Variants in TBC1D19 observed in about 807,000 individuals in gnomAD.
TBC1D19 encodes TBC1 domain family member 19, also known as TBC1 domain family, member 19.
Under a neutral mutation model 89.0 loss-of-function variants are expected in TBC1D19, and 60 were observed. That is an observed-to-expected ratio of 0.67 (90% CI 0.55 to 0.84). The LOEUF is 0.84. Among genes scored for constraint, TBC1D19 ranks in the 40% least tolerant of loss-of-function variants. The probability of loss-of-function intolerance (pLI) is 0.00; values close to 1 mark genes in which losing one functional copy is unlikely to be tolerated. For synonymous variants in TBC1D19, 189 were observed against 199.7 expected (o/e 0.95, Z 0.45); for missense variants, 500 against 610.8 (o/e 0.82, Z 1.91).
Position 26,735,481 on chromosome 4 carries a change from A to C in TBC1D19, c.1111A>C (p.Met371Leu), listed in dbSNP as rs764525151. The change falls in exon 16 of 21, where the codon ATG becomes CTG. Residue 371 changes from methionine (M) to leucine (L), a missense_variant. By Grantham distance (15) the Met-to-Leu change is conservative. This residue lies in a region of TBC1D19 where 220 missense variants were observed against 319.1 expected (regional missense o/e 0.69). Coordinates refer to ENST00000264866, the MANE Select transcript of TBC1D19 (RefSeq NM_018317.4). ...TGTTATCCCTTTTCATGGATTTTCA[A>C]TGTATGGTAAGTTGGGCTTTAAAAA... Reference protein sequence around the residue: ...NGVIPFHGFSMYVAPLCFLYH... With the variant: ...NGVIPFHGFSLYVAPLCFLYH... The C allele has an allele frequency of 3.2e-6, 5 of 1,565,738 alleles. No individual in the cohort carries two copies. The highest frequency in any genetic ancestry group is 4.3e-6 in the Non-Finnish European group (5 of 1,151,944).
intron 1 of TBC1D19, among the ~76,000 whole-genome samples, chr4:26,578,980 C>A (rs1739020823): frequency 6.6e-6 from 1 of 152,132 alleles, no homozygotes; most frequent in Non-Finnish European, 1.5e-5. Context: ...ATATTCTGCT[C>A]CTGTCATGTA....
At chr4:26,744,489 T>C (rs1020886887) in intron 18 of TBC1D19, among the ~76,000 whole-genome samples, 11 of 151,850 alleles carry the variant, frequency 7.2e-5, no homozygotes, top group African/African-American at 9.7e-5. Context: ...TTTGGGACTT[T>C]CTTTTTTTCT....
chr4:26,636,073 A>T (rs10939126), intron 4 of TBC1D19, among the ~76,000 whole-genome samples: 2,926 of 152,202 alleles, frequency 0.019, 85 homozygotes, highest in African/African-American at 0.066. Flanking sequence ...TGTAACAGCC[A>T]TATAAGGGAA....
chr4:26,740,065 C>T (rs933970065), intron 17 of TBC1D19, 92 bp downstream of exon 17: 45 of 735,038 alleles, frequency 6.1e-5, no homozygotes, highest in Middle Eastern at 2.6e-4. Flanking sequence ...CAAATTCTAA[C>T]GCAACAAATT....
intron 7 of TBC1D19, among the ~76,000 whole-genome samples, chr4:26,650,075 G>C (rs1744255953): frequency 6.6e-6 from 1 of 152,046 alleles, no homozygotes. Flanking sequence ...GTATTCCATG[G>C]TGTATATGTG....
At chr4:26,827,974 A>T in the TBC1D19 span, among the ~76,000 whole-genome samples, 1 of 152,098 alleles carries the variant, frequency 6.6e-6, no homozygotes, top group Non-Finnish European at 1.5e-5. Context: ...GGTTCCTCTA[A>T]GATCTCGTTT....
At chr4:26,699,308 A>G (rs1715103003) in intron 13 of TBC1D19, among the ~76,000 whole-genome samples, 2 of 152,212 alleles carry the variant, frequency 1.3e-5, no homozygotes, top group Non-Finnish European at 2.9e-5. Flanking sequence ...CAAAACCACA[A>G]TGAGATACCA....
chr4:26,593,428 G>A (rs1739965752), intron 1 of TBC1D19, among the ~76,000 whole-genome samples: 1 of 152,102 alleles, frequency 6.6e-6, no homozygotes, highest in Admixed American at 6.5e-5. Context: ...CATAGGCATG[G>A]GCAAGGACTT....
At chr4:26,635,115 TC>T (rs980673071) in intron 4 of TBC1D19, among the ~76,000 whole-genome samples, 29 of 152,240 alleles carry the variant, frequency 1.9e-4, no homozygotes, top group African/African-American at 6.5e-4. Flanking sequence ...TAAATAAAAA[TC>T]CAGGGATTGG....
chr4:26,822,579 C>T, the TBC1D19 span, among the ~76,000 whole-genome samples: 2 of 152,094 alleles, frequency 1.3e-5, no homozygotes, highest in Admixed American at 1.3e-4. Context: ...AAAAGGCTGC[C>T]AGTGGACTAT....
At chr4:26,593,154 G>A (rs1221750116) in intron 1 of TBC1D19, among the ~76,000 whole-genome samples, 3 of 152,142 alleles carry the variant, frequency 2.0e-5, no homozygotes, top group Admixed American at 1.3e-4. Context: ...TAGACCAATG[G>A]AACAGAACAG....
intron 4 of TBC1D19, among the ~76,000 whole-genome samples, chr4:26,625,125 T>G (rs747463088): frequency 3.7e-4 from 56 of 152,240 alleles, no homozygotes; most frequent in Non-Finnish European, 7.1e-4. Context: ...TGATCATGTC[T>G]TCAGAGTTGG....
intron 12 of TBC1D19, among the ~76,000 whole-genome samples, chr4:26,685,018 A>C (rs551518054): frequency 7.9e-4 from 121 of 152,352 alleles, no homozygotes; most frequent in African/African-American, 2.5e-3. Context: ...GTTGGGGTAG[A>C]CCCACTCAAA....
chr4:26,837,779 G>T, the TBC1D19 span, among the ~76,000 whole-genome samples: 3 of 152,126 alleles, frequency 2.0e-5, no homozygotes, highest in Admixed American at 1.3e-4. Context: ...GTGGGGTGCG[G>T]GTGAGTCTGG....
chr4:26,652,442 A>G (rs1744463078), intron 7 of TBC1D19, among the ~76,000 whole-genome samples: 1 of 151,832 alleles, frequency 6.6e-6, no homozygotes. Flanking sequence ...GTCTCACTGT[A>G]TTTCCCAGGC....
chr4:26,728,886 G>C (rs1717483712), intron 15 of TBC1D19, among the ~76,000 whole-genome samples: 1 of 152,140 alleles, frequency 6.6e-6, no homozygotes, highest in Admixed American at 6.5e-5. Flanking sequence ...GTGATGGCGG[G>C]CGCCTGTAGT....
chr4:26,588,189 A>C (rs897449128), intron 1 of TBC1D19, among the ~76,000 whole-genome samples: 2 of 151,632 alleles, frequency 1.3e-5, no homozygotes, highest in Non-Finnish European at 2.9e-5. Context: ...CCACGCCCAG[A>C]TGATTTTTTG....
intron 8 of TBC1D19, among the ~76,000 whole-genome samples, chr4:26,664,605 A>C: frequency 6.6e-6 from 1 of 152,120 alleles, no homozygotes; most frequent in Non-Finnish European, 1.5e-5. Flanking sequence ...AGTCATTAGA[A>C]ATTGGTAACA....
At chr4:26,710,717 T>C (rs1403493713) in intron 13 of TBC1D19, among the ~76,000 whole-genome samples, 1 of 152,106 alleles carries the variant, frequency 6.6e-6, no homozygotes, top group East Asian at 1.9e-4. Flanking sequence ...TTAATGATCC[T>C]CATTCTAACT....
Sources: allele counts gnomAD v4.1 joint callset (sites outside exome capture counted in the v4.1 genomes callset), GRCh38; gene constraint gnomAD v4.1.1; regional missense constraint gnomAD v4.1.1; transcripts MANE v1.5; gene names NCBI Gene and HGNC (gene_info 2026-07-23, HGNC 2026-07-21).